The following SLC16A1 variants were observed in gnomAD, a reference collection of about 807,000 sequenced individuals.
SLC16A1 encodes the protein solute carrier family 16 member 1, also known as monocarboxylate transporter 1.
A neutral mutation model predicts 32.2 loss-of-function variants in SLC16A1; 11 were observed. That is an observed-to-expected ratio of 0.34 (90% CI 0.21 to 0.56). SLC16A1 has a LOEUF of 0.56. Ranked by LOEUF, SLC16A1 falls within the 20% of genes least tolerant of loss-of-function variation. The pLI is 0.87. For missense variants in SLC16A1, 435 were observed against 615.0 expected (o/e 0.71, Z 3.10); for synonymous variants, 231 against 226.8 (o/e 1.02, Z -0.17).
At position 112,918,421 on chromosome 1, in the gene SLC16A1, G is replaced by C. The variant is rs1216313385; in HGVS notation, c.362-377C>G. ...TTATTTGAAGGTGAATAACTATTTT[G>C]TCTAATCTAACAAAATCACCGGAAG... On this transcript the variant is annotated intron_variant, in intron 3 of 4. Transcript: ENST00000369626. Among the ~76,000 whole-genome samples, 4 of 152,204 alleles carry C rather than the reference G, an allele frequency of 2.6e-5. No homozygotes were observed. In the South Asian group the frequency reaches 6.2e-4, roughly 24 times the overall value.
chr1:112,931,926 T>C (rs944671081), intron 1 of SLC16A1, among the ~76,000 whole-genome samples: 3 of 152,160 alleles, frequency 2.0e-5, no homozygotes, highest in Non-Finnish European at 4.4e-5. Context: ...CCACTCAGAC[T>C]ATATTACAGC....
intron 1 of SLC16A1, among the ~76,000 whole-genome samples, chr1:112,954,097 G>C (rs1649994383): frequency 6.6e-6 from 1 of 152,086 alleles, no homozygotes; most frequent in Non-Finnish European, 1.5e-5. Flanking sequence ...ACAACAATCT[G>C]GACTGTTTTC....
intron 1 of SLC16A1, among the ~76,000 whole-genome samples, chr1:112,940,440 C>T (rs191725886): frequency 1.3e-5 from 2 of 152,072 alleles, no homozygotes; most frequent in African/African-American, 2.4e-5. Context: ...ACTTTGAGAA[C>T]GGCTGTTTTT....
At chr1:112,939,656 C>T (rs188518599) in intron 1 of SLC16A1, among the ~76,000 whole-genome samples, 7 of 152,202 alleles carry the variant, frequency 4.6e-5, no homozygotes, top group South Asian at 2.1e-4. Flanking sequence ...CAAGCATGTG[C>T]CACCATGCCG....
At chr1:112,944,809 A>G (rs2101648432) in intron 1 of SLC16A1, among the ~76,000 whole-genome samples, 2 of 151,882 alleles carry the variant, frequency 1.3e-5, no homozygotes, top group Non-Finnish European at 2.9e-5. Flanking sequence ...TCTCATACCT[A>G]AGCCCCACGA....
chr1:112,945,280 C>T (rs1188813780), intron 1 of SLC16A1, among the ~76,000 whole-genome samples: 1 of 151,968 alleles, frequency 6.6e-6, no homozygotes, highest in Non-Finnish European at 1.5e-5. Context: ...TAGGCATAAG[C>T]CACTGTGCCT....
chr1:112,923,681 C>A, intron 2 of SLC16A1: 1 of 1,523,960 alleles, frequency 6.6e-7, no homozygotes, highest in Non-Finnish European at 9.1e-7. Context: ...ACCTCTTCTA[C>A]CTGCTCAGGC....
intron 1 of SLC16A1, among the ~76,000 whole-genome samples, chr1:112,954,950 G>A (rs1650022514): frequency 6.6e-6 from 1 of 152,036 alleles, no homozygotes; most frequent in Non-Finnish European, 1.5e-5. Flanking sequence ...TCACCTCACT[G>A]GGCTGGTGGT....
intron 1 of SLC16A1, among the ~76,000 whole-genome samples, chr1:112,933,638 TAAAC>T (rs1022075204): frequency 2.0e-5 from 3 of 151,918 alleles, no homozygotes; most frequent in Non-Finnish European, 4.4e-5. Context: ...ACATGAATGA[TAAAC>T]AAGCACATGT....
chr1:112,929,361 C>T lies in SLC16A1; in HGVS notation c.-44-9G>A. 6.9e-7 allele frequency: 1 copy of T among 1,454,708 alleles called. No homozygotes were observed. Among genetic ancestry groups the T allele is most frequent in the Non-Finnish European group, 9.6e-7 (1 of 1,042,078 alleles). The allele number at this position is 1,454,708 out of a possible 1,614,324, so 90.1% of individuals were successfully genotyped here. Reference sequence around the variant, plus strand: ...AGGTCAAATCCAAATATCTGAAAGACATAAAATTAAAATAGTATGTCAATA... The same window carrying T: ...AGGTCAAATCCAAATATCTGAAAGATATAAAATTAAAATAGTATGTCAATA... On this transcript the variant is annotated splice_polypyrimidine_tract_variant and intron_variant, in intron 1 of 4. Transcript: ENST00000369626.
At chr1:112,949,345 G>A (rs942665428) in intron 1 of SLC16A1, among the ~76,000 whole-genome samples, 6 of 152,144 alleles carry the variant, frequency 3.9e-5, no homozygotes, top group Admixed American at 1.3e-4. Flanking sequence ...CACTGTGCCC[G>A]GCCTCAAAGG....
At chr1:112,923,720 ACT>A in intron 2 of SLC16A1, 1 of 1,537,310 alleles carries the variant, frequency 6.5e-7, no homozygotes. Flanking sequence ...TGGAAGAGAC[ACT>A]GAGTGCCTGC....
chr1:112,913,281 T>C lies in SLC16A1; in HGVS notation c.*610A>G, dbSNP rs2101617359. Reference sequence around the variant, plus strand: ...TACACTGTGTCTAGAACAGCCAAGATGTTGCCAAAGTTTTATGCTTTGAAT... The same window carrying C: ...TACACTGTGTCTAGAACAGCCAAGACGTTGCCAAAGTTTTATGCTTTGAAT... On this transcript the variant is annotated 3_prime_UTR_variant, in exon 5 of 5. Transcript: ENST00000369626. 6.4e-6 allele frequency: 1 copy of C among 156,452 alleles called. No individual in the cohort carries two copies. The highest frequency in any genetic ancestry group is 1.9e-4 in the East Asian group (1 of 5,330). The allele number at this position is 156,452 out of a possible 1,614,324, so 9.7% of individuals were successfully genotyped here. A position where few individuals can be genotyped will look rare whatever the true frequency, so the allele number is the denominator to read the frequency against.
chr1:112,928,722 C>T (rs1489414050), intron 2 of SLC16A1, among the ~76,000 whole-genome samples: 2 of 152,148 alleles, frequency 1.3e-5, no homozygotes, highest in African/African-American at 2.4e-5. Context: ...TTTTAATCCT[C>T]CCAACATCAA....
At chr1:112,919,676 A>G (rs1648648125) in intron 3 of SLC16A1, among the ~76,000 whole-genome samples, 2 of 152,252 alleles carry the variant, frequency 1.3e-5, no homozygotes, top group African/African-American at 4.8e-5. Flanking sequence ...ATTATTCAAT[A>G]AATAGTGCTA....
At chr1:112,930,724 G>GT (rs536201953) in intron 1 of SLC16A1, among the ~76,000 whole-genome samples, 9,086 of 135,184 alleles carry the variant, frequency 0.067, 876 homozygotes, top group African/African-American at 0.2. Context: ...AACATTTTAG[G>GT]TTTTTTTTTT....
intron 1 of SLC16A1, among the ~76,000 whole-genome samples, chr1:112,940,037 T>TG (rs1649451636): frequency 7.1e-6 from 1 of 140,106 alleles, no homozygotes. Context: ...ACCTGATGGG[T>TG]GATTTTTTTT....
In SLC16A1 at chr1:112,913,764, A is replaced by AAAAT. The variant is rs1164753419; in HGVS notation, c.*126_*127insATTT. Reference sequence around the variant, plus strand: ...CAAACAAAAATCCCATCAATGAACAACTGGTATGATTTCCACACAAATGTC... The same window carrying AAAAT: ...CAAACAAAAATCCCATCAATGAACAAAAATCTGGTATGATTTCCACACAAATGTC... On this transcript the variant is annotated 3_prime_UTR_variant, in exon 5 of 5. Transcript: ENST00000369626. 1.6e-4 allele frequency: 186 copies of AAAAT among 1,184,322 alleles called. No individual in the cohort carries two copies. The highest frequency in any genetic ancestry group is 2.2e-4 in the Non-Finnish European group (175 of 801,712). 73.4% of individuals were successfully genotyped at this position (1,184,322 alleles called of 1,614,324 possible).
chr1:112,938,951 C>T (rs978096263), intron 1 of SLC16A1, among the ~76,000 whole-genome samples: 1 of 150,840 alleles, frequency 6.6e-6, no homozygotes, highest in Non-Finnish European at 1.5e-5. Flanking sequence ...AGTACAATGG[C>T]GCGATCTCGG....
Sources: allele counts gnomAD v4.1 joint callset (sites outside exome capture counted in the v4.1 genomes callset), GRCh38; gene constraint gnomAD v4.1.1; transcripts MANE v1.5; gene names NCBI Gene and HGNC (gene_info 2026-07-23, HGNC 2026-07-21).